Variants in WWC1 observed in about 807,000 individuals in gnomAD.
The protein encoded by WWC1 is protein KIBRA.
WWC1 carries 55 observed loss-of-function variants against 138.4 expected under a neutral mutation model. The observed-to-expected ratio is 0.40, with a 90% confidence interval of 0.32 to 0.50. WWC1 has a LOEUF of 0.50. Ranked by LOEUF, WWC1 falls within the 20% of genes least tolerant of loss-of-function variation. WWC1 has a pLI of 0.72. For missense variants in WWC1, 1,226 were observed against 1,420.4 expected (o/e 0.86, Z 2.20); for synonymous variants, 524 against 564.9 (o/e 0.93, Z 1.03).
intron 8 of WWC1, among the ~76,000 whole-genome samples, chr5:168,410,717 G>T (rs1007179145): frequency 1.3e-5 from 2 of 151,250 alleles, no homozygotes; most frequent in Non-Finnish European, 2.9e-5. Context: ...ATTGTTTATT[G>T]TACTAAAACA....
intron 17 of WWC1, among the ~76,000 whole-genome samples, chr5:168,452,780 TCC>T (rs1755948663): frequency 1.3e-5 from 2 of 152,030 alleles, no homozygotes; most frequent in Non-Finnish European, 2.9e-5. Flanking sequence ...CTCCTCCTCC[TCC>T]TCCTCTTCTT....
chr5:168,405,763 G>A lies in WWC1; in HGVS notation c.591-435G>A, dbSNP rs1184284798. 2.6e-5 allele frequency among the ~76,000 whole-genome samples: 3 copies of A among 113,620 alleles called. No individual in the cohort carries two copies. In the East Asian group the frequency reaches 7.6e-4, roughly 29 times the overall value. The allele number at this position is 113,620 out of a possible 152,430, so 74.5% of individuals were successfully genotyped here. ...TTTTTTTGAGACGGAGTCTTGTTCT[G>A]TCTCCCAGGCTGGAGTGCAGTGGCA... On this transcript the variant is annotated intron_variant, in intron 5 of 22. Transcript: ENST00000265293.
intron 1 of WWC1, among the ~76,000 whole-genome samples, chr5:168,342,330 G>A (rs1467692353): frequency 6.6e-6 from 1 of 152,168 alleles, no homozygotes; most frequent in Non-Finnish European, 1.5e-5. Context: ...GGAAGGTAGA[G>A]CTATTGCGCA....
In WWC1 at chr5:168,443,198, G is replaced by A. The variant is rs530849695; in HGVS notation, c.2434-1296G>A. Among the ~76,000 whole-genome samples the A allele has an allele frequency of 2.2e-4, 33 of 152,300 alleles. 1 individual carries two copies. Among genetic ancestry groups the A allele is most frequent in the Middle Eastern group, 3.4e-3 (1 of 294 alleles). On this transcript the variant is annotated intron_variant, in intron 16 of 22. Coordinates refer to ENST00000265293, the MANE Select transcript of WWC1 (RefSeq NM_015238.3). ...GGTTAGTTTGGACAGCCACTGCCTA[G>A]AATTTCAATGGAGCGGATGGGTTGG...
At chr5:168,439,824 T>C (rs1754594228) in intron 15 of WWC1, among the ~76,000 whole-genome samples, 1 of 152,166 alleles carries the variant, frequency 6.6e-6, no homozygotes, top group South Asian at 2.1e-4. Flanking sequence ...TTCCGTCGGG[T>C]TTCTGCCATT....
chr5:168,317,054 C>T lies in WWC1; in HGVS notation c.119+24783C>T, dbSNP rs368483760. 2.8e-4 allele frequency among the ~76,000 whole-genome samples: 43 copies of T among 152,270 alleles called. No homozygotes were observed. The East Asian group carries it at 4.1e-3, about 14-fold the overall frequency. The stretch of plus-strand genomic sequence containing the variant: ...CACCCGGCAGTAGTGATAGCTGCCA[C>T]GTACTGAGGGATTTTATAGACATTT... On this transcript the variant is annotated intron_variant, in intron 1 of 22. Transcript: ENST00000265293.
intron 1 of WWC1, among the ~76,000 whole-genome samples, chr5:168,329,125 A>C (rs559550285): frequency 6.6e-6 from 1 of 152,260 alleles, no homozygotes; most frequent in Non-Finnish European, 1.5e-5. Flanking sequence ...CCTCTTGGTG[A>C]TATCTCAGTC....
Position 168,441,805 on chromosome 5 carries a change from A to T in WWC1, c.2404A>T (p.Met802Leu). 1 of 1,614,042 alleles carries T rather than the reference A, an allele frequency of 6.2e-7. No individual in the cohort carries two copies. Among genetic ancestry groups the T allele is most frequent in the East Asian group, 2.2e-5 (1 of 44,870 alleles). ...QSRELKPVGV[M>L]APASGPASTD... ...CAGGGAGCTCAAGCCAGTGGGAGTCATGGCCCCTGCCTCAGGGCCTGCCAG... is the reference window on the plus strand; with the variant it reads ...CAGGGAGCTCAAGCCAGTGGGAGTCTTGGCCCCTGCCTCAGGGCCTGCCAG... The change falls in exon 16 of 23, where the codon ATG (methionine) becomes TTG (leucine). Residue 802 changes from methionine to leucine, a missense_variant. By Grantham distance (15) the Met-to-Leu change is conservative. This residue lies in a region of WWC1 where 1,016 missense variants were observed against 1,153.9 expected (regional missense o/e 0.88). Coordinates refer to ENST00000265293, the MANE Select transcript of WWC1 (RefSeq NM_015238.3).
In WWC1 at chr5:168,431,321, C is replaced by T. The variant is rs765927561; in HGVS notation, c.2157C>T (p.Asp719=). The T allele has an allele frequency of 3.2e-5, 52 of 1,614,132 alleles. No individual in the cohort carries two copies. Among genetic ancestry groups the T allele is most frequent in the African/African-American group, 8.0e-5 (6 of 75,034 alleles). Residue 719 remains aspartate, a synonymous_variant, in exon 15 of 23, where the codon GAC becomes GAT. Coordinates refer to ENST00000265293, the MANE Select transcript of WWC1 (RefSeq NM_015238.3). ...TTCLFRTRPL[D]ASDTLVFNEV... is the part of the protein sequence containing the mutation. ...GCCTGTTCCGGACCCGGCCTCTGGA[C>T]GCCTCAGACACTCTAGTGTTCAATG...
rs1255464657 is a variant in WWC1, at chr5:168,414,526, C to T, written c.1120C>T (p.Arg374Trp). The change falls in exon 9 of 23, where the codon CGG becomes TGG. Residue 374 changes from arginine (R) to tryptophan (W), a missense_variant. Physicochemically the swap from Arg to Trp is moderately radical, Grantham distance 101. Around this residue, in one of 3 missense-constraint regions of WWC1, gnomAD observed 1,016 missense variants for 1,153.9 expected, o/e 0.88. Transcript: ENST00000265293. The stretch of plus-strand genomic sequence containing the variant: ...GGAGGTGGAGCAGCTGGAGATGGCC[C>T]GGAAGCGGCTGGAAAAGGACCTGCA... ...QGEVEQLEMA[R>W]KRLEKDLQAA... 21 of 1,556,200 alleles carry T rather than the reference C, an allele frequency of 1.3e-5. No individual in the cohort carries two copies. The highest frequency in any genetic ancestry group is 2.7e-5 in the African/African-American group (2 of 73,588).
chr5:168,456,133 C>T (rs1170414891), intron 19 of WWC1, among the ~76,000 whole-genome samples: 1 of 151,616 alleles, frequency 6.6e-6, no homozygotes, highest in African/African-American at 2.4e-5. Context: ...GACCCTGTCT[C>T]CGCCTAAGAA....
chr5:168,428,214 G>A, intron 12 of WWC1, 73 bp downstream of exon 12: 1 of 1,459,818 alleles, frequency 6.9e-7, no homozygotes, highest in Non-Finnish European at 9.4e-7. Flanking sequence ...GCCTAGGCCT[G>A]TGGAGAGGCT....
rs764558324 is a variant in WWC1 at position 168,385,442 on chromosome 5, C to A, written c.433+28C>A. ...GAGTACCTCCCACTACCACCACCCCCACCGACACCAACAGAGAATGGCCAC... is the reference window on the plus strand; with the variant it reads ...GAGTACCTCCCACTACCACCACCCCAACCGACACCAACAGAGAATGGCCAC... On this transcript the variant is annotated intron_variant, in intron 3 of 22. Coordinates refer to ENST00000265293, the MANE Select transcript of WWC1 (RefSeq NM_015238.3). 25 of 1,606,848 alleles carry A rather than the reference C, an allele frequency of 1.6e-5. No homozygotes were observed. The East Asian group carries it at 5.1e-4, about 33-fold the overall frequency.
At chr5:168,443,934 T>G (rs905398882) in intron 16 of WWC1, among the ~76,000 whole-genome samples, 11 of 152,218 alleles carry the variant, frequency 7.2e-5, no homozygotes, top group African/African-American at 2.7e-4. Context: ...TAACAACCCT[T>G]TCTAGCAGTT....
chr5:168,309,020 C>G (rs910840959), intron 1 of WWC1, among the ~76,000 whole-genome samples: 1 of 152,150 alleles, frequency 6.6e-6, no homozygotes, highest in African/African-American at 2.4e-5. Flanking sequence ...CTCAGCACCT[C>G]CATCCCTCCT....
At chr5:168,338,537 G>T (rs192333237) in intron 1 of WWC1, among the ~76,000 whole-genome samples, 2 of 151,018 alleles carry the variant, frequency 1.3e-5, no homozygotes, top group Non-Finnish European at 3.0e-5. Context: ...TCAGCCTTCC[G>T]AGTAGCTGAG....
In WWC1 at chr5:168,385,362, G is replaced by A; in HGVS notation, c.381G>A (p.Glu127=). The A allele has an allele frequency of 6.2e-7, 1 of 1,614,102 alleles. No individual in the cohort carries two copies. Among genetic ancestry groups the A allele is most frequent in the South Asian group, 1.1e-5 (1 of 91,084 alleles). ...KQQRLELAQQ[E]YQQLHAVWEH... ...AGCGCCTGGAGCTTGCACAGCAGGAGTACCAGCAACTGCATGCCGTCTGGG... is the reference window on the plus strand; with the variant it reads ...AGCGCCTGGAGCTTGCACAGCAGGAATACCAGCAACTGCATGCCGTCTGGG... Residue 127 remains glutamate, a synonymous_variant, in exon 3 of 23, where the codon GAG becomes GAA. Transcript: ENST00000265293.
intron 1 of WWC1, among the ~76,000 whole-genome samples, chr5:168,332,763 C>G (rs1029015644): frequency 6.6e-6 from 1 of 151,832 alleles, no homozygotes; most frequent in African/African-American, 2.4e-5. Context: ...GGCTGGAGTG[C>G]AGTGGCACAA....
intron 16 of WWC1, 97 bp downstream of exon 16, chr5:168,441,931 A>AGAGGAGAACAATGGGGTGGAGGAAG: frequency 1.4e-6 from 2 of 1,476,414 alleles, no homozygotes; most frequent in South Asian, 2.8e-5. Flanking sequence ...AGGCGTCATG[A>AGAGGAGAACAATGGGGTGGAGGAAG]GAGGAGAACA....
Sources: gnomAD v4.1 joint callset for allele counts (sites outside exome capture counted in the v4.1 genomes callset) on GRCh38, gnomAD v4.1.1 for gene constraint, gnomAD v4.1.1 regional missense constraint, MANE v1.5 for transcripts, NCBI Gene and HGNC (gene_info 2026-07-23, HGNC 2026-07-21) for gene names.